TYR: variants seen among roughly 807,000 people sequenced by gnomAD.
TYR encodes the protein tyrosinase, also known as LB24-AB.
Under a neutral mutation model 51.5 loss-of-function variants are expected in TYR, and 58 were observed. The observed-to-expected ratio is 1.13, with a 90% confidence interval of 0.91 to 1.40. The LOEUF is 1.40. Ranked by LOEUF, TYR falls within the 40% of genes most tolerant of loss-of-function variation. The pLI, the probability that TYR is intolerant of heterozygous loss-of-function variation, is 0.00. For missense variants in TYR, 732 were observed against 647.4 expected, an observed-to-expected ratio of 1.13 and a Z score of -1.42; for synonymous variants, 263 against 235.2, an observed-to-expected ratio of 1.12 and a Z score of -1.08.
intron 2 of TYR, among the ~76,000 whole-genome samples, chr11:89,209,227 C>T (rs1289516633): frequency 6.6e-6 from 1 of 152,202 alleles, no homozygotes; most frequent in Non-Finnish European, 1.5e-5. Flanking sequence ...GAACAGTACA[C>T]TCTTGCCCAA....
At chr11:89,187,511 G>A (rs1407148838) in intron 1 of TYR, among the ~76,000 whole-genome samples, 2 of 152,156 alleles carry the variant, frequency 1.3e-5, no homozygotes, top group African/African-American at 4.8e-5. Flanking sequence ...CATTGGCCAA[G>A]AGATGACAGG....
At position 89,231,101 on chromosome 11, in the gene TYR, G is replaced by T. The variant is rs905172299; in HGVS notation, c.1184+3131G>T. Among the ~76,000 whole-genome samples the T allele has an allele frequency of 2.7e-5, 4 of 146,742 alleles. No homozygotes were observed. The Admixed American group carries it at 2.7e-4, about 10-fold the overall frequency. On this transcript the variant is annotated intron_variant, in intron 3 of 4. Transcript: ENST00000263321. ...CACGAGAATTGTTTTAACTTGGGAG[G>T]TAGAGTTTGCAGTGAGCCAAGATCA...
In TYR at chr11:89,278,708, G is replaced by C. The variant is rs1258476130; in HGVS notation, c.1185-6065G>C. Reference sequence around the variant, plus strand: ...ATTATTAACATCTTCCCTTGGTATGGGACATTAGTGGACATTAAAGAACCA... The same window carrying C: ...ATTATTAACATCTTCCCTTGGTATGCGACATTAGTGGACATTAAAGAACCA... On this transcript the variant is annotated intron_variant, in intron 3 of 4. Transcript: ENST00000263321. Among the ~76,000 whole-genome samples, 7 of 151,302 alleles carry C rather than the reference G, an allele frequency of 4.6e-5. No individual in the cohort carries two copies. The East Asian group carries it at 1.4e-3, about 30-fold the overall frequency.
intron 3 of TYR, among the ~76,000 whole-genome samples, chr11:89,244,107 G>A: frequency 6.6e-6 from 1 of 152,010 alleles, no homozygotes. Context: ...CAAAAATAGA[G>A]GCTATTTCCA....
chr11:89,280,920 T>C (rs2135321598), intron 3 of TYR, among the ~76,000 whole-genome samples: 1 of 151,842 alleles, frequency 6.6e-6, no homozygotes, highest in South Asian at 2.1e-4. Context: ...GTCTCTATTC[T>C]TGGTTTTGGG....
At chr11:89,211,556 T>C (rs1280158892) in intron 2 of TYR, among the ~76,000 whole-genome samples, 2 of 152,108 alleles carry the variant, frequency 1.3e-5, no homozygotes, top group East Asian at 3.9e-4. Flanking sequence ...GACAGAAAAT[T>C]AGCAAGGTTA....
At chr11:89,187,964 T>A (rs1018583153) in intron 1 of TYR, among the ~76,000 whole-genome samples, 1 of 151,690 alleles carries the variant, frequency 6.6e-6, no homozygotes, top group East Asian at 2.0e-4. Flanking sequence ...ACTTTAAGTA[T>A]TGAGTATTTT....
chr11:89,178,108 G>T lies in TYR; in HGVS notation c.155G>T (p.Arg52Ile), dbSNP rs61753182. The T allele has an allele frequency of 6.2e-7, 1 of 1,614,196 alleles. No individual in the cohort carries two copies. The highest frequency in any genetic ancestry group is 2.2e-5 in the East Asian group (1 of 44,864). Residue 52 changes from arginine to isoleucine, a missense_variant, in exon 1 of 5, where the codon AGA becomes ATA. Coordinates refer to ENST00000263321, the MANE Select transcript of TYR (RefSeq NM_000372.5). ...AGTCCCTGTGGCCAGCTTTCAGGCA[G>T]AGGTTCCTGTCAGAATATCCTTCTG... is the stretch of plus-strand genomic sequence containing the variant. The part of the protein sequence containing the change: ...DRSPCGQLSG[R>I]GSCQNILLSN...
chr11:89,280,628 CTA>C (rs955322849), intron 3 of TYR, among the ~76,000 whole-genome samples: 1 of 151,220 alleles, frequency 6.6e-6, no homozygotes, highest in Non-Finnish European at 1.5e-5. Flanking sequence ...ATTTCAGATT[CTA>C]TGTCTCATAG....
intron 4 of TYR, among the ~76,000 whole-genome samples, chr11:89,288,568 C>T (rs12787683): frequency 0.046 from 7,043 of 152,060 alleles, 550 homozygotes; most frequent in African/African-American, 0.16. Flanking sequence ...AAACAATTTA[C>T]TTGAAATGCT....
At chr11:89,197,593 A>G (rs539099693) in intron 2 of TYR, among the ~76,000 whole-genome samples, 1 of 152,158 alleles carries the variant, frequency 6.6e-6, no homozygotes, top group Non-Finnish European at 1.5e-5. Context: ...ACTTCAAAAG[A>G]TATGATGTTA....
At chr11:89,278,184 TC>T (rs1305022380) in intron 3 of TYR, among the ~76,000 whole-genome samples, 5 of 151,730 alleles carry the variant, frequency 3.3e-5, no homozygotes, top group African/African-American at 1.2e-4. Flanking sequence ...AAACAGTCAT[TC>T]TTCAACTCTT....
At chr11:89,204,642 C>T (rs1565396807) in intron 2 of TYR, among the ~76,000 whole-genome samples, 1 of 152,050 alleles carries the variant, frequency 6.6e-6, no homozygotes, top group Non-Finnish European at 1.5e-5. Context: ...AAGTGATCCA[C>T]CCACTTTGGC....
chr11:89,279,581 A>T (rs867101173), intron 3 of TYR, among the ~76,000 whole-genome samples: 2 of 151,720 alleles, frequency 1.3e-5, no homozygotes, highest in Admixed American at 6.6e-5. Flanking sequence ...GAAGTCTCCC[A>T]TGTCATATAA....
chr11:89,252,696 T>G (rs1423809270), intron 3 of TYR, among the ~76,000 whole-genome samples: 4 of 151,664 alleles, frequency 2.6e-5, no homozygotes, highest in African/African-American at 4.8e-5. Context: ...TAAAACAAAC[T>G]AAGAATTTCA....
intron 1 of TYR, among the ~76,000 whole-genome samples, chr11:89,186,548 C>T (rs1943375190): frequency 6.6e-6 from 1 of 152,118 alleles, no homozygotes; most frequent in African/African-American, 2.4e-5. Context: ...CTGTCACTCT[C>T]CATCCCTGGT....
Position 89,240,112 on chromosome 11 carries a change from C to A in TYR, c.1184+12142C>A, listed in dbSNP as rs192340046. Among the ~76,000 whole-genome samples the A allele has an allele frequency of 1.3e-3, 205 of 152,122 alleles. 1 individual carries two copies. The highest frequency in any genetic ancestry group is 4.7e-3 in the African/African-American group (194 of 41,510). On this transcript the variant is annotated intron_variant, in intron 3 of 4. Coordinates refer to ENST00000263321, the MANE Select transcript of TYR (RefSeq NM_000372.5). The stretch of plus-strand genomic sequence containing the variant: ...TGAGTAGGGTGGGGTGGAGGGAGAG[C>A]ATCAGGATGAATAGCTAATGGGTGC...
chr11:89,213,307 A>G (rs1943787040), intron 2 of TYR, among the ~76,000 whole-genome samples: 1 of 152,208 alleles, frequency 6.6e-6, no homozygotes, highest in Admixed American at 6.5e-5. Context: ...ACAAAAAGAG[A>G]GCCAAATCAT....
At chr11:89,253,820 T>C (rs1337227214) in intron 3 of TYR, among the ~76,000 whole-genome samples, 1 of 151,890 alleles carries the variant, frequency 6.6e-6, no homozygotes, top group African/African-American at 2.4e-5. Context: ...CCTTTATTTA[T>C]TTCTCTTGTC....
Sources: gnomAD v4.1 joint callset for allele counts (sites outside exome capture counted in the v4.1 genomes callset) on GRCh38, gnomAD v4.1.1 for gene constraint, MANE v1.5 for transcripts, NCBI Gene and HGNC (gene_info 2026-07-23, HGNC 2026-07-21) for gene names.